LETMD1: variants seen among roughly 807,000 people sequenced by gnomAD.
LETMD1 encodes LETM1 domain containing 1, also known as LETM1 domain-containing protein 1.
A neutral mutation model predicts 43.9 loss-of-function variants in LETMD1; 30 were observed. The ratio of observed to expected loss-of-function variants is 0.68; its 90% confidence interval spans 0.51 to 0.93. The LOEUF (loss-of-function observed/expected upper bound fraction) is 0.93. Ranked by LOEUF, LETMD1 falls within the 40% of genes least tolerant of loss-of-function variation. The probability of loss-of-function intolerance (pLI) is 0.00; values close to 1 mark genes in which losing one functional copy is unlikely to be tolerated. For synonymous variants in LETMD1, 176 were observed against 163.1 expected (o/e 1.08, Z -0.60); for missense variants, 413 against 447.7 (o/e 0.92, Z 0.70).
intron 3 of LETMD1, 120 bp from the exon 4 acceptor site, chr12:51,053,656 AAG>A: frequency 7.3e-6 from 5 of 682,702 alleles, no homozygotes; most frequent in Non-Finnish European, 1.3e-5. Context: ...AAGAAAAAGA[AAG>A]AAATTTGGTC....
chr12:51,068,013 A>G, the LETMD1 span: 1 of 1,569,194 alleles, frequency 6.4e-7, no homozygotes, highest in South Asian at 1.2e-5. Flanking sequence ...CATGAGCGGC[A>G]TGCACCTCCT....
chr12:51,057,988 C>A, intron 7 of LETMD1, 44 bp from the exon 8 acceptor site: 1 of 1,185,512 alleles, frequency 8.4e-7, no homozygotes, highest in Non-Finnish European at 1.3e-6. Flanking sequence ...TTGGCATAAT[C>A]ATTCTATGAT....
downstream of LETMD1, chr12:51,062,381 C>CA (rs1937664969): frequency 6.6e-6 from 1 of 152,190 alleles, no homozygotes; most frequent in Admixed American, 6.5e-5. Context: ...CATTTTAGAA[C>CA]AGAGACAAAG....
intron 2 of LETMD1, among the ~76,000 whole-genome samples, chr12:51,051,234 T>C (rs949976487): frequency 6.8e-6 from 1 of 147,990 alleles, no homozygotes; most frequent in Non-Finnish European, 1.5e-5. Flanking sequence ...TGAAACCCAG[T>C]CTCTATTAAA....
At chr12:51,068,100 G>A in the LETMD1 span, 1 of 746,330 alleles carries the variant, frequency 1.3e-6, no homozygotes, top group Non-Finnish European at 2.2e-6. Context: ...CAAAATGATG[G>A]CAGCTACTAG....
rs1948717141 is a variant in LETMD1, at chr12:51,060,071, A to G, written c.*640A>G. ...TATTCTATTGGAAAAGATAACAGGA[A>G]GTACAAGTGCTTCTTGACCCCTTCC... is the stretch of plus-strand genomic sequence containing the variant. On this transcript the variant is annotated 3_prime_UTR_variant, in exon 9 of 9. Transcript: ENST00000262055. 1 of 153,022 alleles carries G rather than the reference A, an allele frequency of 6.5e-6. No individual in the cohort carries two copies. Among genetic ancestry groups the G allele is most frequent in the African/African-American group, 2.4e-5 (1 of 41,452 alleles). The allele number at this position is 153,022 out of a possible 1,614,324, so 9.5% of individuals were successfully genotyped here.
chr12:51,048,433 G>A lies in LETMD1; in HGVS notation c.77G>A (p.Arg26Gln), dbSNP rs1274708248. 1 of 1,614,094 alleles carries A rather than the reference G, an allele frequency of 6.2e-7. No homozygotes were observed. Among genetic ancestry groups the A allele is most frequent in the Non-Finnish European group, 8.5e-7 (1 of 1,180,030 alleles). ...SAVTPGHFVT[R>Q]RLQLGRSGLA... ...GTCACCCCTGGACATTTTGTCACCC[G>A]GAGGCTGCAACTTGGTCGCTCTGGC... Residue 26 changes from arginine to glutamine, a missense_variant, in exon 1 of 9, where the codon CGG (arginine) becomes CAG (glutamine). Arg to Gln is a conservative substitution (Grantham distance 43, BLOSUM62 1). Coordinates refer to ENST00000262055, the MANE Select transcript of LETMD1 (RefSeq NM_015416.5).
chr12:51,056,121 A>G (rs374179155), intron 5 of LETMD1, 23 bp from the exon 6 acceptor site: 20 of 1,611,782 alleles, frequency 1.2e-5, no homozygotes, highest in Middle Eastern at 3.3e-4. Context: ...CCTAACATCT[A>G]CAAATCTCTT....
intron 2 of LETMD1, 122 bp from the exon 3 acceptor site, chr12:51,051,970 G>A: frequency 1.2e-6 from 1 of 807,620 alleles, no homozygotes; most frequent in Non-Finnish European, 1.9e-6. Flanking sequence ...CTAGTTTAAA[G>A]CTTTGAGTAT....
the LETMD1 span, among the ~76,000 whole-genome samples, chr12:51,065,630 TA>T: frequency 6.6e-6 from 1 of 151,980 alleles, no homozygotes; most frequent in Non-Finnish European, 1.5e-5. Context: ...GCCCTAATTT[TA>T]AAATTTTTTG....
rs182447387 is a variant in LETMD1 at position 51,054,679 on chromosome 12, C to T, written c.473+819C>T. 2.5e-3 allele frequency among the ~76,000 whole-genome samples: 374 copies of T among 152,256 alleles called. 1 individual carries two copies. The highest frequency in any genetic ancestry group is 4.1e-3 in the Non-Finnish European group (277 of 68,026). The stretch of plus-strand genomic sequence containing the variant: ...CACATAGAGTCACTGCTGCTCTGTC[C>T]TATTGATTGAATCAGTCACCTAGAA... On this transcript the variant is annotated intron_variant, in intron 4 of 8. Transcript: ENST00000262055.
Position 51,048,443 on chromosome 12 carries a change from A to G in LETMD1, c.87A>G (p.Gln29=). Residue 29 remains glutamine (Q), a synonymous_variant, in exon 1 of 9, where the codon CAA becomes CAG. Coordinates refer to ENST00000262055, the MANE Select transcript of LETMD1 (RefSeq NM_015416.5). ...GACATTTTGTCACCCGGAGGCTGCAACTTGGTCGCTCTGGCCTGGCTTGGG... is the reference window on the plus strand; with the variant it reads ...GACATTTTGTCACCCGGAGGCTGCAGCTTGGTCGCTCTGGCCTGGCTTGGG... ...TPGHFVTRRL[Q]LGRSGLAWGA... is the part of the protein sequence containing the mutation. The G allele has an allele frequency of 6.2e-7, 1 of 1,614,052 alleles. No individual in the cohort carries two copies.
chr12:51,064,008 G>C (rs1205957144), downstream of LETMD1: 23 of 1,614,100 alleles, frequency 1.4e-5, no homozygotes, highest in East Asian at 4.7e-4. Flanking sequence ...CACGAGTGAG[G>C]TAACAGGGAG....
downstream of LETMD1, chr12:51,063,717 T>G (rs749899593): frequency 1.4e-6 from 2 of 1,472,404 alleles, no homozygotes; most frequent in Non-Finnish European, 1.8e-6. Flanking sequence ...AAATAGAGAA[T>G]GGGTAAGAGG....
downstream of LETMD1, chr12:51,063,846 C>G: frequency 6.2e-7 from 1 of 1,613,842 alleles, no homozygotes; most frequent in Non-Finnish European, 8.5e-7. Context: ...ATTGTCCGTG[C>G]GGAAGGGGAG....
downstream of LETMD1, chr12:51,063,100 A>G (rs1026908828): frequency 5.3e-5 from 8 of 152,228 alleles, no homozygotes; most frequent in African/African-American, 1.7e-4. Flanking sequence ...GGAAGAAACA[A>G]TTCAAGTTAC....
chr12:51,050,966 T>TCGCA (rs1485666170), intron 2 of LETMD1, among the ~76,000 whole-genome samples: 1 of 148,714 alleles, frequency 6.7e-6, no homozygotes, highest in Non-Finnish European at 1.5e-5. Flanking sequence ...TGAGCCAAGA[T>TCGCA]CGCACCATTG....
Position 51,055,931 on chromosome 12 carries a change from C to T in LETMD1, c.570C>T (p.Ser190=), listed in dbSNP as rs773634760. 6.2e-7 allele frequency: 1 copy of T among 1,613,624 alleles called. No individual in the cohort carries two copies. The highest frequency in any genetic ancestry group is 1.3e-5 in the African/African-American group (1 of 74,976). The change falls in exon 5 of 9, where the codon TCC becomes TCT. Residue 190 remains serine (S), a synonymous_variant. Transcript: ENST00000262055. The part of the protein sequence containing the change: ...LDIYHAFRKQ[S]HPEIISYLEK... Reference sequence around the variant, plus strand: ...TCTATCATGCTTTCCGGAAGCAGTCCCACCCAGAAATTATTAGTTATTTAG... The same window carrying T: ...TCTATCATGCTTTCCGGAAGCAGTCTCACCCAGAAATTATTAGTTATTTAG...
the LETMD1 span, chr12:51,067,658 C>A: frequency 2.9e-4 from 459 of 1,608,914 alleles, no homozygotes; most frequent in Non-Finnish European, 3.6e-4. The surrounding 1 kb of genome is among the most constrained non-coding windows in gnomAD (Gnocchi z 4.1). Flanking sequence ...CTATCTCAGG[C>A]CAACTTGGAC....
Sources: allele counts gnomAD v4.1 joint callset (sites outside exome capture counted in the v4.1 genomes callset), GRCh38; gene constraint gnomAD v4.1.1; non-coding constraint Gnocchi (gnomAD v3.1); transcripts MANE v1.5; gene names NCBI Gene and HGNC (gene_info 2026-07-23, HGNC 2026-07-21).